LY75: variants seen among roughly 807,000 people sequenced by gnomAD.
LY75 encodes C-type lectin domain family 13 member B.
In LY75, 185 loss-of-function variants were observed where a neutral mutation model predicts 231.7. The ratio of observed to expected loss-of-function variants is 0.80; its 90% CI spans 0.71 to 0.90. LY75 has a LOEUF of 0.90. LY75 is among the 40% of genes least tolerant of loss of function. LY75 has a pLI of 0.00. For missense variants in LY75, 1,947 were observed against 2,050.2 expected, an observed-to-expected ratio of 0.95 and a Z score of 0.97; for synonymous variants, 668 against 689.0, an observed-to-expected ratio of 0.97 and a Z score of 0.48.
intron 1 of LY75, among the ~76,000 whole-genome samples, chr2:159,900,577 C>T (rs1478791486): frequency 6.6e-6 from 1 of 152,210 alleles, no homozygotes; most frequent in Non-Finnish European, 1.5e-5. Context: ...AATTCAAAGG[C>T]TTTCAGAGTT....
intron 28 of LY75, among the ~76,000 whole-genome samples, chr2:159,821,589 A>T (rs1233603949): frequency 6.8e-6 from 1 of 147,186 alleles, no homozygotes; most frequent in African/African-American, 2.5e-5. Flanking sequence ...GCACCACTTC[A>T]GCTTCGGTGA....
intron 21 of LY75, among the ~76,000 whole-genome samples, chr2:159,850,726 A>G (rs1317549175): frequency 7.1e-6 from 1 of 140,414 alleles, no homozygotes; most frequent in Non-Finnish European, 1.5e-5. Context: ...TTCCAGGCTC[A>G]AGCTACCTTC....
intron 2 of LY75, among the ~76,000 whole-genome samples, chr2:159,894,797 A>G (rs1385030729): frequency 6.6e-6 from 1 of 152,136 alleles, no homozygotes; most frequent in Non-Finnish European, 1.5e-5. Context: ...TACTTCAATC[A>G]TTTTCCCTGG....
chr2:159,890,375 T>C lies in LY75; in HGVS notation c.640A>G (p.Asn214Asp), dbSNP rs116546543. 500 of 1,612,894 alleles carry C rather than the reference T, an allele frequency of 3.1e-4. 2 individuals are homozygous for C. The African/African-American group carries it at 6.1e-3, about 20-fold the overall frequency. The stretch of plus-strand genomic sequence containing the variant: ...TTTTCCCAATTATCTTCACAACCGT[T>C]TTCTGTTGATAAAGACACGTTAGTG... Reference protein sequence around the residue: ...RKWGICLKPENGCEDNWEKNE... With the variant: ...RKWGICLKPEDGCEDNWEKNE... The change falls in exon 4 of 35, where the codon AAC (asparagine) becomes GAC (aspartate). Residue 214 changes from asparagine to aspartate, a missense_variant and splice_region_variant. Physicochemically the swap from Asn to Asp is conservative, Grantham distance 23 (BLOSUM62 1). Transcript: ENST00000263636.
At chr2:159,832,749 C>T (rs1241888979) in intron 27 of LY75, among the ~76,000 whole-genome samples, 1 of 152,062 alleles carries the variant, frequency 6.6e-6, no homozygotes, top group African/African-American at 2.4e-5. Context: ...CAACCTTTTT[C>T]TTTTTTGTTG....
intron 18 of LY75, among the ~76,000 whole-genome samples, 160 bp downstream of exon 18, chr2:159,854,200 T>A (rs1684481673): frequency 6.6e-6 from 1 of 152,162 alleles, no homozygotes; most frequent in African/African-American, 2.4e-5. Context: ...GCAATTCTAC[T>A]TAATTTTTCT....
intron 12 of LY75, among the ~76,000 whole-genome samples, chr2:159,873,764 AAT>A (rs1685090911): frequency 4.7e-5 from 5 of 106,286 alleles, no homozygotes; most frequent in African/African-American, 1.4e-4. Context: ...AATATACATA[AAT>A]ATATACATTT....
intron 22 of LY75, 24 bp downstream of exon 22, chr2:159,850,338 A>T: frequency 6.2e-7 from 1 of 1,612,820 alleles, no homozygotes; most frequent in Non-Finnish European, 8.5e-7. Flanking sequence ...AGAATAAAAC[A>T]TGTTTCCCAA....
rs1684375566 is a variant in LY75 at position 159,850,795 on chromosome 2, TATATTATATCTTATATATAAG to T, written c.2884-349_2884-329del. Among the ~76,000 whole-genome samples, 2 of 132,336 alleles carry T rather than the reference TATATTATATCTTATATATAAG, an allele frequency of 1.5e-5. 1 individual carries two copies. Among genetic ancestry groups the T allele is most frequent in the African/African-American group, 5.9e-5 (2 of 34,188 alleles). The allele number at this position is 132,336 out of a possible 152,430, so 86.8% of individuals were successfully genotyped here. ...TTTCATATATATATATATATATATA[TATATTATATCTTATATATAAG>T]ATATATATTGTATATTATATCTTTA... On this transcript the variant is annotated intron_variant, in intron 21 of 34. Transcript: ENST00000263636.
At chr2:159,840,673 A>G in intron 25 of LY75, 56 bp downstream of exon 25, 1 of 1,610,750 alleles carries the variant, frequency 6.2e-7, no homozygotes, top group Non-Finnish European at 8.5e-7. Flanking sequence ...AGCTATGCAC[A>G]ATAAAAAATG....
intron 28 of LY75, among the ~76,000 whole-genome samples, chr2:159,820,976 T>C (rs1193851214): frequency 6.6e-6 from 1 of 152,140 alleles, no homozygotes; most frequent in Non-Finnish European, 1.5e-5. Context: ...GTAGCAGGGA[T>C]TACAGGTGCC....
chr2:159,871,363 T>C (rs1685007247), intron 13 of LY75, among the ~76,000 whole-genome samples: 1 of 152,044 alleles, frequency 6.6e-6, no homozygotes, highest in Non-Finnish European at 1.5e-5. Flanking sequence ...CCTGGCAAAT[T>C]GGAGAGTCAG....
chr2:159,807,912 G>A, intron 33 of LY75: 1 of 984,920 alleles, frequency 1.0e-6, no homozygotes, highest in South Asian at 4.7e-5. Context: ...TTTATAGGTT[G>A]GCGCAAAAGT....
chr2:159,874,622 ATATAG>A (rs1427106846), intron 12 of LY75, among the ~76,000 whole-genome samples: 105 of 67,252 alleles, frequency 1.6e-3, no homozygotes, highest in African/African-American at 4.1e-3. Context: ...GTAAATATAT[ATATAG>A]TAAATATATG....
chr2:159,904,677 C>T lies in LY75; in HGVS notation c.6G>A (p.Arg2=). 2.7e-6 allele frequency: 4 copies of T among 1,456,280 alleles called. No individual in the cohort carries two copies. Among genetic ancestry groups the T allele is most frequent in the African/African-American group, 1.5e-5 (1 of 67,358 alleles). The allele number at this position is 1,456,280 out of a possible 1,614,324, so 90.2% of individuals were successfully genotyped here. M[R]TGWATPRRPA... is the part of the protein sequence containing the mutation. ...GGCGGCGAGGGGTCGCCCAGCCTGT[C>T]CTCATCCTGAGCTGGCGCAAGCCTT... Residue 2 remains arginine (R), a synonymous_variant, in exon 1 of 35, where the codon AGG becomes AGA. Transcript: ENST00000263636.
At chr2:159,806,484 A>G (rs1021633673) in intron 34 of LY75, among the ~76,000 whole-genome samples, 1 of 152,220 alleles carries the variant, frequency 6.6e-6, no homozygotes, top group Non-Finnish European at 1.5e-5. Flanking sequence ...TGGTAATTTT[A>G]TGTATCAATT....
At chr2:159,836,632 GAC>G (rs1560073684) in intron 25 of LY75, among the ~76,000 whole-genome samples, 1 of 152,156 alleles carries the variant, frequency 6.6e-6, no homozygotes, top group Non-Finnish European at 1.5e-5. Flanking sequence ...GGAACGAAGC[GAC>G]ACAGTCTCCT....
rs774188668 is a variant in LY75, at chr2:159,878,477, G to C, written c.1621C>G (p.Leu541Val). The C allele has an allele frequency of 6.2e-7, 1 of 1,613,818 alleles. No homozygotes were observed. Reference protein sequence around the residue: ...TITSRFEQEYLNDLMKKYDKS... With the variant: ...TITSRFEQEYVNDLMKKYDKS... The stretch of plus-strand genomic sequence containing the variant: ...TCATACTTTTTCATCAAATCATTTA[G>C]GTATTCTTGCTCAAATCTACAAAAG... Residue 541 changes from leucine (L) to valine (V), a missense_variant, in exon 11 of 35, where the codon CTA becomes GTA. Transcript: ENST00000263636.
chr2:159,843,457 C>T (rs924789636), intron 23 of LY75, among the ~76,000 whole-genome samples: 1 of 148,622 alleles, frequency 6.7e-6, no homozygotes, highest in African/African-American at 2.5e-5. Flanking sequence ...ATGTAACAAT[C>T]ACTTTGAAGG....
Sources: allele counts gnomAD v4.1 joint callset (sites outside exome capture counted in the v4.1 genomes callset), GRCh38; gene constraint gnomAD v4.1.1; transcripts MANE v1.5; gene names NCBI Gene and HGNC (gene_info 2026-07-23, HGNC 2026-07-21).